The following ATXN7 variants were observed in gnomAD, a reference collection of about 807,000 sequenced individuals.
ATXN7 encodes ataxin 7, also known as ataxin-7.
Under a neutral mutation model 70.5 loss-of-function variants are expected in ATXN7, and 12 were observed. The observed-to-expected ratio is 0.17, with a 90% CI of 0.11 to 0.28. The LOEUF (loss-of-function observed/expected upper bound fraction) is 0.28, where lower values mean the gene tolerates loss of function less well. Ranked by LOEUF, ATXN7 falls within the 10% of genes least tolerant of loss-of-function variation. The probability of loss-of-function intolerance (pLI) is 1.00; values close to 1 mark genes in which losing one functional copy is unlikely to be tolerated. For missense variants in ATXN7, 1,256 were observed against 1,131.7 expected (o/e 1.11, Z -1.58); for synonymous variants, 498 against 448.7 (o/e 1.11, Z -1.39).
chr3:63,981,123 A>C (rs2075479950), intron 6 of ATXN7, among the ~76,000 whole-genome samples: 1 of 152,156 alleles, frequency 6.6e-6, no homozygotes, highest in South Asian at 2.1e-4. Context: ...GGTTAATCTC[A>C]GGGTAGGGTC....
chr3:63,978,738 T>C (rs1018672636), intron 5 of ATXN7, among the ~76,000 whole-genome samples: 1 of 152,216 alleles, frequency 6.6e-6, no homozygotes, highest in Non-Finnish European at 1.5e-5. Context: ...GATAATAATT[T>C]TGTCCTGATG....
chr3:63,924,843 A>G (rs1247098272), intron 4 of ATXN7, among the ~76,000 whole-genome samples: 1 of 152,184 alleles, frequency 6.6e-6, no homozygotes, highest in East Asian at 1.9e-4. Context: ...CAGTAGCAGG[A>G]TGAAGACATG....
At chr3:63,879,357 T>C (rs1306400114) in intron 1 of ATXN7, among the ~76,000 whole-genome samples, 1 of 152,210 alleles carries the variant, frequency 6.6e-6, no homozygotes, top group Non-Finnish European at 1.5e-5. Flanking sequence ...GCATATGAAC[T>C]GTACAAGTGA....
chr3:63,911,222 TCAA>T (rs1261474563), intron 2 of ATXN7, among the ~76,000 whole-genome samples: 1 of 152,108 alleles, frequency 6.6e-6, no homozygotes, highest in Non-Finnish European at 1.5e-5. Context: ...AATAGTAATA[TCAA>T]CAATTATTGA....
At chr3:63,873,523 G>A (rs971140456) in intron 1 of ATXN7, among the ~76,000 whole-genome samples, 2 of 152,142 alleles carry the variant, frequency 1.3e-5, no homozygotes, top group South Asian at 2.1e-4. Context: ...ACCCTTTAGG[G>A]GAGTTGTCAT....
chr3:63,865,894 CAAAAAAAAAAAAAAAAA>C (rs34205947), intron 1 of ATXN7, among the ~76,000 whole-genome samples: 12 of 16,560 alleles, frequency 7.2e-4, no homozygotes, highest in Middle Eastern at 0.062. Flanking sequence ...GACTCCATCT[CAAAAAAAAAAAAAAAAA>C]AAAAAAAAAA....
intron 4 of ATXN7, among the ~76,000 whole-genome samples, chr3:63,947,502 G>C (rs1011577539): frequency 5.3e-5 from 8 of 152,174 alleles, no homozygotes; most frequent in Non-Finnish European, 2.9e-5. Flanking sequence ...TGAGGTGGAA[G>C]GATCGTTTGA....
chr3:63,985,789 C>CAT lies in ATXN7; in HGVS notation c.1096-2269_1096-2268insTA, dbSNP rs1260675888. Among the ~76,000 whole-genome samples the CAT allele has an allele frequency of 2.6e-5, 4 of 152,342 alleles. No homozygotes were observed. The East Asian group carries it at 7.7e-4, about 29-fold the overall frequency. ...GTGACTCCTGTAGCCTTTGTCCATT[C>CAT]ACTCATTGTAGAACTTTTTATTACG... On this transcript the variant is annotated intron_variant, in intron 8 of 12. Transcript: ENST00000674280.
chr3:63,870,824 GA>G (rs768412549), intron 1 of ATXN7, among the ~76,000 whole-genome samples: 2 of 152,096 alleles, frequency 1.3e-5, no homozygotes, highest in African/African-American at 2.4e-5. Flanking sequence ...CTTTCTGCAT[GA>G]TATGTTTGGC....
chr3:63,947,554 T>G (rs1341140919), intron 4 of ATXN7, among the ~76,000 whole-genome samples: 1 of 152,152 alleles, frequency 6.6e-6, no homozygotes, highest in Non-Finnish European at 1.5e-5. Flanking sequence ...ATTGTGCCAC[T>G]GCACTCCAGC....
At chr3:63,909,413 T>A (rs879287340) in intron 2 of ATXN7, among the ~76,000 whole-genome samples, 3 of 152,110 alleles carry the variant, frequency 2.0e-5, no homozygotes, top group Non-Finnish European at 4.4e-5. Flanking sequence ...CACACACACA[T>A]ACACACAAAA....
chr3:63,893,701 C>T (rs2107252255), intron 1 of ATXN7, among the ~76,000 whole-genome samples: 1 of 152,318 alleles, frequency 6.6e-6, no homozygotes, highest in Non-Finnish European at 1.5e-5. Flanking sequence ...TCACAATTGG[C>T]CTTGGCTCCC....
At chr3:63,891,976 G>C (rs577782191) in intron 1 of ATXN7, among the ~76,000 whole-genome samples, 4 of 152,236 alleles carry the variant, frequency 2.6e-5, no homozygotes, top group African/African-American at 9.6e-5. Flanking sequence ...AGTGACCTTT[G>C]GGAAGCCATT....
chr3:63,996,547 G>C, intron 12 of ATXN7, 64 bp downstream of exon 12: 1 of 1,508,434 alleles, frequency 6.6e-7, no homozygotes, highest in Non-Finnish European at 8.9e-7. Context: ...TCTTTTGTCA[G>C]CTCAGAAATG....
chr3:63,954,856 A>T (rs1028646032), intron 5 of ATXN7, among the ~76,000 whole-genome samples: 2 of 151,522 alleles, frequency 1.3e-5, no homozygotes, highest in Non-Finnish European at 2.9e-5. Flanking sequence ...TTACAGGTGC[A>T]TGCCACTATG....
At chr3:63,914,905 G>A (rs1171080878) in intron 4 of ATXN7, among the ~76,000 whole-genome samples, 1 of 152,116 alleles carries the variant, frequency 6.6e-6, no homozygotes, top group Non-Finnish European at 1.5e-5. Context: ...AAAGGGACAT[G>A]GATCTTGTTA....
intron 10 of ATXN7, 131 bp downstream of exon 10, chr3:63,990,505 A>C: frequency 7.9e-7 from 1 of 1,273,600 alleles, no homozygotes; most frequent in Non-Finnish European, 1.1e-6. Context: ...GAAGTTCAAA[A>C]CAGGGTGCCC....
At chr3:63,991,561 A>G (rs945163091) in intron 11 of ATXN7, among the ~76,000 whole-genome samples, 3 of 152,124 alleles carry the variant, frequency 2.0e-5, no homozygotes, top group Non-Finnish European at 4.4e-5. Context: ...AGCTGTGTCA[A>G]GGTCTTGAGT....
chr3:63,955,515 A>T (rs957922644), intron 5 of ATXN7, among the ~76,000 whole-genome samples: 2 of 152,142 alleles, frequency 1.3e-5, no homozygotes, highest in Admixed American at 6.6e-5. Flanking sequence ...GGTTCCCAGG[A>T]CCAACAACCT....
Sources: allele counts gnomAD v4.1 joint callset (sites outside exome capture counted in the v4.1 genomes callset), GRCh38; gene constraint gnomAD v4.1.1; transcripts MANE v1.5; gene names NCBI Gene and HGNC (gene_info 2026-07-23, HGNC 2026-07-21).